The following ARHGEF28 variants were observed in gnomAD, a reference collection of about 807,000 sequenced individuals.
ARHGEF28 encodes the protein 190 kDa guanine nucleotide exchange factor.
Under a neutral mutation model 206.6 loss-of-function variants are expected in ARHGEF28, and 152 were observed. The observed-to-expected ratio is 0.74, with a 90% CI of 0.64 to 0.84. The LOEUF (loss-of-function observed/expected upper bound fraction) is 0.84. ARHGEF28 is among the 40% of genes least tolerant of loss of function. The pLI is 0.00. For missense variants in ARHGEF28, 2,028 were observed against 2,073.2 expected (o/e 0.98, Z 0.42); for synonymous variants, 763 against 776.4 (o/e 0.98, Z 0.29).
intron 1 of ARHGEF28, among the ~76,000 whole-genome samples, chr5:73,627,756 T>C (rs1390728399): frequency 6.6e-6 from 1 of 152,244 alleles, no homozygotes; most frequent in Non-Finnish European, 1.5e-5. Flanking sequence ...GGAATTTGGC[T>C]AGCATCAGAT....
chr5:73,777,588 A>G (rs879503172), intron 6 of ARHGEF28, among the ~76,000 whole-genome samples: 46 of 152,234 alleles, frequency 3.0e-4, no homozygotes, highest in African/African-American at 1.0e-3. Flanking sequence ...TATGTATCAA[A>G]CAAAGATTAT....
chr5:73,904,149 A>G, intron 31 of ARHGEF28, 73 bp from the exon 32 acceptor site: 1 of 1,466,638 alleles, frequency 6.8e-7, no homozygotes, highest in Non-Finnish European at 9.5e-7. Flanking sequence ...AAGGTCATAC[A>G]TTTTGGGACA....
intron 1 of ARHGEF28, among the ~76,000 whole-genome samples, chr5:73,634,481 AC>A (rs569692765): frequency 1.3e-5 from 2 of 152,238 alleles, no homozygotes; most frequent in African/African-American, 4.8e-5. Context: ...GTCCTCATAC[AC>A]CACACTTTTA....
chr5:73,632,152 C>T (rs1743408722), intron 1 of ARHGEF28, among the ~76,000 whole-genome samples: 1 of 152,122 alleles, frequency 6.6e-6, no homozygotes, highest in Non-Finnish European at 1.5e-5. Flanking sequence ...ACTGCAAGTA[C>T]TAGTGGTGGT....
intron 2 of ARHGEF28, among the ~76,000 whole-genome samples, chr5:73,718,285 C>G (rs1749710191): frequency 6.6e-6 from 1 of 152,226 alleles, no homozygotes; most frequent in Non-Finnish European, 1.5e-5. Flanking sequence ...CCATTTGATC[C>G]TCCTGATCCC....
At chr5:73,818,212 C>T (rs949700379) in intron 9 of ARHGEF28, among the ~76,000 whole-genome samples, 1 of 151,986 alleles carries the variant, frequency 6.6e-6, no homozygotes, top group African/African-American at 2.4e-5. Flanking sequence ...GACCTAAGAC[C>T]CTGAGACCAT....
In ARHGEF28 at chr5:73,896,650, T is replaced by C. The variant is rs77566768; in HGVS notation, c.3842-1312T>C. Among the ~76,000 whole-genome samples, 669 of 152,316 alleles carry C rather than the reference T, an allele frequency of 4.4e-3. 6 individuals are homozygous for C. Among genetic ancestry groups the C allele is most frequent in the African/African-American group, 0.015 (607 of 41,570 alleles). ...AGAGAGAAGAGGCCGAGGCAAGATATATTTTAGAAATAAAGTCAAGAAGAA... is the reference window on the plus strand; with the variant it reads ...AGAGAGAAGAGGCCGAGGCAAGATACATTTTAGAAATAAAGTCAAGAAGAA... On this transcript the variant is annotated intron_variant, in intron 29 of 35. Transcript: ENST00000513042.
At chr5:73,714,945 A>C (rs944930021) in intron 2 of ARHGEF28, among the ~76,000 whole-genome samples, 1 of 152,224 alleles carries the variant, frequency 6.6e-6, no homozygotes, top group Non-Finnish European at 1.5e-5. Context: ...TCAGCAAGAC[A>C]CGAAAATGTT....
intron 4 of ARHGEF28, among the ~76,000 whole-genome samples, chr5:73,756,985 A>G (rs1752348465): frequency 6.6e-6 from 1 of 152,202 alleles, no homozygotes. Context: ...ATGCACATGT[A>G]TACTCTATGG....
chr5:73,727,705 C>T (rs1007258234), intron 2 of ARHGEF28, among the ~76,000 whole-genome samples: 5 of 152,188 alleles, frequency 3.3e-5, no homozygotes, highest in South Asian at 2.1e-4. Flanking sequence ...CATATCCTCT[C>T]GTTAAGTGTC....
chr5:73,693,994 G>C (rs1203907237), intron 2 of ARHGEF28, among the ~76,000 whole-genome samples: 3 of 152,208 alleles, frequency 2.0e-5, no homozygotes, highest in African/African-American at 7.2e-5. Flanking sequence ...CAGTTCCTGG[G>C]AAGTCTGAAG....
chr5:73,708,885 T>A (rs1399048224), intron 2 of ARHGEF28, among the ~76,000 whole-genome samples: 1 of 152,226 alleles, frequency 6.6e-6, no homozygotes, highest in East Asian at 1.9e-4. Context: ...ATTTTTTGAC[T>A]TTTTAATAGT....
chr5:73,795,348 G>A lies in ARHGEF28; in HGVS notation c.981G>A (p.Val327=), dbSNP rs758690848. 6.2e-7 allele frequency: 1 copy of A among 1,613,728 alleles called. No individual in the cohort carries two copies. The highest frequency in any genetic ancestry group is 1.1e-5 in the South Asian group (1 of 91,062). Residue 327 remains valine (V), a synonymous_variant, in exon 9 of 36, where the codon GTG becomes GTA. Transcript: ENST00000513042. The stretch of plus-strand genomic sequence containing the variant: ...TCTTCCAGCGTGTCAAAAGCCTGGT[G>A]GTTCAACACAATGAACATGAAGACC... ...KEDIKRVKSL[V]VQHNEHEDQH... is the part of the protein sequence containing the mutation.
intron 2 of ARHGEF28, among the ~76,000 whole-genome samples, chr5:73,738,637 T>C (rs1751175257): frequency 6.6e-6 from 1 of 152,158 alleles, no homozygotes; most frequent in East Asian, 1.9e-4. Context: ...TTTATACCTT[T>C]GTACAAAGGA....
intron 35 of ARHGEF28, among the ~76,000 whole-genome samples, chr5:73,914,176 A>G (rs764769633): frequency 2.6e-5 from 4 of 152,074 alleles, no homozygotes; most frequent in Non-Finnish European, 5.9e-5. Flanking sequence ...ATCAAATTTC[A>G]GGCACTGTGC....
At chr5:73,785,896 G>T (rs949116020) in intron 7 of ARHGEF28, among the ~76,000 whole-genome samples, 2 of 151,984 alleles carry the variant, frequency 1.3e-5, no homozygotes, top group Non-Finnish European at 2.9e-5. Context: ...CTTCCCCTTT[G>T]TGATTCTGTG....
At chr5:73,871,547 G>A (rs1464107419) in intron 21 of ARHGEF28, among the ~76,000 whole-genome samples, 2 of 152,162 alleles carry the variant, frequency 1.3e-5, no homozygotes, top group South Asian at 2.1e-4. Flanking sequence ...CAACTAGTAC[G>A]TTTGGTGCAC....
chr5:73,777,095 A>G (rs1048526860), intron 6 of ARHGEF28, among the ~76,000 whole-genome samples: 4 of 152,208 alleles, frequency 2.6e-5, no homozygotes, highest in Admixed American at 6.5e-5. Context: ...AATCCAGTAC[A>G]GAATCCAGTA....
chr5:73,705,597 G>A (rs994132798), intron 2 of ARHGEF28, among the ~76,000 whole-genome samples: 2 of 151,800 alleles, frequency 1.3e-5, no homozygotes, highest in African/African-American at 4.8e-5. Context: ...TGGCCATTGT[G>A]TGCATGCCTC....
Sources: allele counts gnomAD v4.1 joint callset (sites outside exome capture counted in the v4.1 genomes callset), GRCh38; gene constraint gnomAD v4.1.1; transcripts MANE v1.5; gene names NCBI Gene and HGNC (gene_info 2026-07-23, HGNC 2026-07-21).